Variants in SLIT2 observed in about 807,000 individuals in gnomAD.
The protein encoded by SLIT2 is slit guidance ligand 2.
In SLIT2, 41 loss-of-function variants were observed where a neutral mutation model predicts 185.7. The observed-to-expected ratio is 0.22, with a 90% CI of 0.17 to 0.29. The LOEUF is 0.29. Among genes scored for constraint, SLIT2 ranks in the 10% least tolerant of loss-of-function variants. The pLI, the probability that SLIT2 is intolerant of heterozygous loss-of-function variation, is 1.00. For missense variants in SLIT2, 1,571 were observed against 1,909.0 expected (o/e 0.82, Z 3.30); for synonymous variants, 693 against 680.2 (o/e 1.02, Z -0.29).
chr4:20,438,427 C>T (rs1340812251), intron 4 of SLIT2, among the ~76,000 whole-genome samples: 3 of 152,102 alleles, frequency 2.0e-5, no homozygotes, highest in African/African-American at 7.2e-5. Context: ...GCGAAATTCC[C>T]ATTTTTAAAA....
At chr4:20,407,262 G>T (rs1408950411) in intron 4 of SLIT2, among the ~76,000 whole-genome samples, 1 of 152,080 alleles carries the variant, frequency 6.6e-6, no homozygotes, top group Admixed American at 6.6e-5. Context: ...TGTATGATTT[G>T]TGCACTTTTA....
At chr4:20,553,389 TC>T (rs938715486) in intron 25 of SLIT2, among the ~76,000 whole-genome samples, 6 of 152,296 alleles carry the variant, frequency 3.9e-5, no homozygotes, top group Admixed American at 3.9e-4. Flanking sequence ...CAGCAGGGGT[TC>T]TTTGGAGGTA....
intron 6 of SLIT2, among the ~76,000 whole-genome samples, chr4:20,481,630 G>A (rs1388773741): frequency 6.6e-6 from 1 of 151,948 alleles, no homozygotes; most frequent in Non-Finnish European, 1.5e-5. Context: ...ATGTTAGGGT[G>A]TTTTTAGTCA....
intron 4 of SLIT2, among the ~76,000 whole-genome samples, chr4:20,411,597 C>T (rs893102199): frequency 4.6e-5 from 7 of 152,146 alleles, no homozygotes; most frequent in Non-Finnish European, 8.8e-5. Context: ...GAAACTTGAA[C>T]TCAGCAAGGT....
At chr4:20,383,292 C>T (rs1309016701) in intron 4 of SLIT2, among the ~76,000 whole-genome samples, 1 of 152,102 alleles carries the variant, frequency 6.6e-6, no homozygotes, top group African/African-American at 2.4e-5. Flanking sequence ...ATAAAAGCCA[C>T]AGACTAGGAG....
At chr4:20,341,911 A>T (rs1720990819) in intron 4 of SLIT2, among the ~76,000 whole-genome samples, 1 of 152,232 alleles carries the variant, frequency 6.6e-6, no homozygotes, top group South Asian at 2.1e-4. Flanking sequence ...ATAGGATGTT[A>T]TAATTTTCGC....
intron 29 of SLIT2, among the ~76,000 whole-genome samples, chr4:20,574,198 C>T (rs551238087): frequency 2.0e-5 from 3 of 151,920 alleles, no homozygotes; most frequent in African/African-American, 7.3e-5. Context: ...TCATGATTCA[C>T]CCGCCTCAAT....
At chr4:20,470,262 G>T (rs1577717901) in intron 5 of SLIT2, among the ~76,000 whole-genome samples, 1 of 152,144 alleles carries the variant, frequency 6.6e-6, no homozygotes, top group Non-Finnish European at 1.5e-5. Context: ...GAAATGATTA[G>T]CAATATTGAC....
rs537618904 is a variant in SLIT2, at chr4:20,567,002, C to A, written c.2726-260C>A. On this transcript the variant is annotated intron_variant, in intron 26 of 36. Transcript: ENST00000504154. ...ATGAGGGGACTCTGTGACACTGGCACCATTAACATCAGATACCAACTCAGA... is the reference window on the plus strand; with the variant it reads ...ATGAGGGGACTCTGTGACACTGGCAACATTAACATCAGATACCAACTCAGA... Among the ~76,000 whole-genome samples, 419 of 152,008 alleles carry A rather than the reference C, an allele frequency of 2.8e-3. 1 individual carries two copies. The highest frequency in any genetic ancestry group is 9.6e-3 in the African/African-American group (398 of 41,498).
intron 4 of SLIT2, among the ~76,000 whole-genome samples, chr4:20,454,194 T>C (rs1322751015): frequency 1.3e-5 from 2 of 152,192 alleles, no homozygotes; most frequent in African/African-American, 4.8e-5. Context: ...CTGCATAACC[T>C]GTGTGGTACC....
intron 4 of SLIT2, among the ~76,000 whole-genome samples, chr4:20,417,740 G>A (rs968170284): frequency 7.3e-5 from 11 of 151,560 alleles, no homozygotes; most frequent in African/African-American, 2.4e-4. Context: ...GGATGGTCTC[G>A]ATCTCTTGAG....
intron 33 of SLIT2, among the ~76,000 whole-genome samples, chr4:20,599,225 A>G (rs1180298619): frequency 6.6e-6 from 1 of 152,166 alleles, no homozygotes; most frequent in Non-Finnish European, 1.5e-5. Flanking sequence ...GGAGACGTGA[A>G]ATGGGTGGTA....
chr4:20,312,008 G>A (rs1718150890), intron 4 of SLIT2, among the ~76,000 whole-genome samples: 2 of 152,192 alleles, frequency 1.3e-5, no homozygotes, highest in African/African-American at 4.8e-5. Context: ...TTTTCTAAAA[G>A]CACTTGAAAT....
Position 20,372,353 on chromosome 4 carries a change from C to CT in SLIT2, c.396-95388dup, listed in dbSNP as rs76266623. Among the ~76,000 whole-genome samples the CT allele has an allele frequency of 2.0e-3, 289 of 145,048 alleles. 3 individuals are homozygous for CT. Among genetic ancestry groups the CT allele is most frequent in the South Asian group, 7.7e-3 (35 of 4,574 alleles). ...GATCTCTAGAGGCGTGATTATTGGA[C>CT]TTTTTTTTTTTACCTCCTTAAATTT... On this transcript the variant is annotated intron_variant, in intron 4 of 36. Coordinates refer to ENST00000504154, the MANE Select transcript of SLIT2 (RefSeq NM_004787.4).
chr4:20,417,436 G>GTGTATATATATATATA (rs1553898364), intron 4 of SLIT2, among the ~76,000 whole-genome samples: 1,334 of 123,638 alleles, frequency 0.011, 37 homozygotes, highest in African/African-American at 0.019. Context: ...ATGTGTGTGT[G>GTGTATATATATATATA]TATATATATA....
intron 1 of SLIT2, among the ~76,000 whole-genome samples, chr4:20,256,307 C>CT (rs1306203864): frequency 8.0e-5 from 10 of 125,696 alleles, no homozygotes; most frequent in Admixed American, 6.9e-4. Flanking sequence ...CTGAAGGGAA[C>CT]TTTTTTTTTG....
intron 4 of SLIT2, among the ~76,000 whole-genome samples, chr4:20,418,496 C>T (rs1727887947): frequency 6.6e-6 from 1 of 152,078 alleles, no homozygotes; most frequent in South Asian, 2.1e-4. Context: ...CTGAGGGCGG[C>T]CAATAGATCT....
At chr4:20,487,363 AG>A (rs1483901520) in intron 7 of SLIT2, among the ~76,000 whole-genome samples, 1 of 152,200 alleles carries the variant, frequency 6.6e-6, no homozygotes, top group African/African-American at 2.4e-5. Context: ...CAGTAACTTC[AG>A]GTATTTTTTT....
intron 4 of SLIT2, among the ~76,000 whole-genome samples, chr4:20,321,282 A>G (rs1446486586): frequency 6.6e-6 from 1 of 152,202 alleles, no homozygotes; most frequent in Non-Finnish European, 1.5e-5. Context: ...TGGATAGTCA[A>G]TTGCCAAAAT....
Sources: allele counts gnomAD v4.1 joint callset (sites outside exome capture counted in the v4.1 genomes callset), GRCh38; gene constraint gnomAD v4.1.1; transcripts MANE v1.5; gene names NCBI Gene and HGNC (gene_info 2026-07-23, HGNC 2026-07-21).